CAMSAP2: variants seen among roughly 807,000 people sequenced by gnomAD.
The protein encoded by CAMSAP2 is calmodulin-regulated spectrin-associated protein 2.
Under a neutral mutation model 146.1 loss-of-function variants are expected in CAMSAP2, and 26 were observed. That is an observed-to-expected ratio of 0.18 (90% CI 0.13 to 0.25). The LOEUF (loss-of-function observed/expected upper bound fraction) is 0.25, where lower values mean the gene tolerates loss of function less well. Among genes scored for constraint, CAMSAP2 ranks in the 10% least tolerant of loss-of-function variants. CAMSAP2 has a pLI of 1.00. For missense variants in CAMSAP2, 1,381 were observed against 1,759.3 expected (o/e 0.78, Z 3.85); for synonymous variants, 499 against 596.6 (o/e 0.84, Z 2.38).
At chr1:200,802,967 C>T (rs1666074355) in intron 2 of CAMSAP2, among the ~76,000 whole-genome samples, 1 of 152,218 alleles carries the variant, frequency 6.6e-6, no homozygotes, top group Non-Finnish European at 1.5e-5. Context: ...TGGGATTCCA[C>T]ATTCCCCAAA....
intron 4 of CAMSAP2, among the ~76,000 whole-genome samples, chr1:200,816,620 A>G (rs1666498807): frequency 7.1e-6 from 1 of 141,542 alleles, no homozygotes. Flanking sequence ...ATATATATAT[A>G]TATATGTATA....
intron 2 of CAMSAP2, among the ~76,000 whole-genome samples, chr1:200,762,036 A>G (rs1664815265): frequency 6.6e-6 from 1 of 152,262 alleles, no homozygotes; most frequent in African/African-American, 2.4e-5. Flanking sequence ...TGGTTTTTCC[A>G]TACTCGATTA....
intron 4 of CAMSAP2, among the ~76,000 whole-genome samples, chr1:200,817,189 C>T (rs61827525): frequency 0.66 from 72,792 of 111,088 alleles, 20,494 homozygotes; most frequent in Middle Eastern, 0.74. Flanking sequence ...CACACACACA[C>T]ATGTGTGTGT....
At chr1:200,787,083 G>A (rs1256373942) in intron 2 of CAMSAP2, among the ~76,000 whole-genome samples, 23 of 152,026 alleles carry the variant, frequency 1.5e-4, no homozygotes, top group Admixed American at 1.5e-3. Context: ...TCACCCAAGA[G>A]CTGTGATGGA....
In CAMSAP2 at chr1:200,848,962, A is replaced by G. The variant is rs1435486102; in HGVS notation, c.2193A>G (p.Pro731=). Residue 731 remains proline, a synonymous_variant, in exon 11 of 17, where the codon CCA becomes CCG. Coordinates refer to ENST00000358823, the MANE Select transcript of CAMSAP2 (RefSeq NM_203459.4). ...IPHVVAWAQI[P]EETGLPQGRD... ...ATGTGGTTGCTTGGGCACAAATTCC[A>G]GAAGAAACAGGGCTTCCACAGGGAC... 4 of 1,614,096 alleles carry G rather than the reference A, an allele frequency of 2.5e-6. No homozygotes were observed.
At chr1:200,755,947 G>A (rs1220566849) in intron 1 of CAMSAP2, among the ~76,000 whole-genome samples, 1 of 152,164 alleles carries the variant, frequency 6.6e-6, no homozygotes, top group Non-Finnish European at 1.5e-5. Flanking sequence ...TCGGTTAAGG[G>A]GAGGAACATT....
At chr1:200,855,944 C>T (rs1027158641) in intron 14 of CAMSAP2, 66 bp from the exon 15 acceptor site, 14 of 1,040,636 alleles carry the variant, frequency 1.3e-5, no homozygotes, top group South Asian at 4.2e-5. Context: ...GTTACTTTCA[C>T]GTATACCCTC....
chr1:200,820,216 A>G (rs751015450), intron 4 of CAMSAP2, among the ~76,000 whole-genome samples: 73 of 152,090 alleles, frequency 4.8e-4, no homozygotes, highest in East Asian at 7.7e-4. Flanking sequence ...GTGCACCGCC[A>G]TGCCCACCTA....
intron 2 of CAMSAP2, among the ~76,000 whole-genome samples, chr1:200,775,615 T>C (rs990348329): frequency 2.6e-5 from 4 of 152,150 alleles, no homozygotes; most frequent in African/African-American, 9.7e-5. Flanking sequence ...CTGCAACCTC[T>C]GCCTTCCAGG....
At chr1:200,821,144 T>C (rs2102190976) in intron 4 of CAMSAP2, among the ~76,000 whole-genome samples, 1 of 152,112 alleles carries the variant, frequency 6.6e-6, no homozygotes, top group African/African-American at 2.4e-5. Flanking sequence ...GTTTTATAAT[T>C]ATAAATCTAT....
chr1:200,856,928 A>G (rs561754903), intron 15 of CAMSAP2, among the ~76,000 whole-genome samples: 20 of 152,346 alleles, frequency 1.3e-4, no homozygotes, highest in African/African-American at 4.6e-4. Flanking sequence ...TCAGTTGAAC[A>G]ATCTGAAAAA....
At chr1:200,834,459 C>T (rs1413112734) in intron 6 of CAMSAP2, among the ~76,000 whole-genome samples, 1 of 151,886 alleles carries the variant, frequency 6.6e-6, no homozygotes, top group African/African-American at 2.4e-5. Context: ...GTTATGAATA[C>T]TGTTATTTTT....
At chr1:200,795,930 C>T (rs1444604834) in intron 2 of CAMSAP2, among the ~76,000 whole-genome samples, 1 of 152,178 alleles carries the variant, frequency 6.6e-6, no homozygotes, top group Non-Finnish European at 1.5e-5. Flanking sequence ...TTTTGACTTG[C>T]TCTGCCTACT....
At chr1:200,780,496 G>C (rs894244751) in intron 2 of CAMSAP2, among the ~76,000 whole-genome samples, 1 of 151,814 alleles carries the variant, frequency 6.6e-6, no homozygotes, top group African/African-American at 2.4e-5. Flanking sequence ...CTTATTTCAA[G>C]TAAGTATAAG....
chr1:200,857,568 A>T lies in CAMSAP2; in HGVS notation c.4131+144A>T. On this transcript the variant is annotated intron_variant, in intron 16 of 16. Transcript: ENST00000358823. This position sits in a 1 kb window ranked among gnomAD's most constrained non-coding sequence, Gnocchi z 4.7. ...ATGTTTTAATTATCAGATTTAGTTT[A>T]TTTTCACATTAGGTTCTGGAAGCCT... The T allele has an allele frequency of 1.3e-6, 1 of 792,548 alleles. No individual in the cohort carries two copies. The highest frequency in any genetic ancestry group is 2.0e-6 in the Non-Finnish European group (1 of 503,428). The allele number at this position is 792,548 out of a possible 1,614,324, so 49.1% of individuals were successfully genotyped here.
intron 6 of CAMSAP2, among the ~76,000 whole-genome samples, chr1:200,834,345 A>C (rs575330036): frequency 6.6e-6 from 1 of 152,256 alleles, no homozygotes; most frequent in South Asian, 2.1e-4. Context: ...CCTGGGTGAC[A>C]GAATAAGACT....
In CAMSAP2 at chr1:200,849,067, C is replaced by T. The variant is rs767612913; in HGVS notation, c.2298C>T (p.Ala766=). ...AAGAAAAGAGGCGTGCTATAGAAGCCCAGAAAAAGAAAATGGAAGCTGCTT... is the reference window on the plus strand; with the variant it reads ...AAGAAAAGAGGCGTGCTATAGAAGCTCAGAAAAAGAAAATGGAAGCTGCTT... ...KLEEKRRAIE[A]QKKKMEAAFT... is the part of the protein sequence containing the mutation. The change falls in exon 11 of 17, where the codon GCC becomes GCT. Residue 766 remains alanine (A), a synonymous_variant. Coordinates refer to ENST00000358823, the MANE Select transcript of CAMSAP2 (RefSeq NM_203459.4). This position sits in a 1 kb window ranked among gnomAD's most constrained non-coding sequence, Gnocchi z 6.3. 7 of 1,613,694 alleles carry T rather than the reference C, an allele frequency of 4.3e-6. No individual in the cohort carries two copies. The South Asian group carries it at 7.7e-5, about 18-fold the overall frequency.
chr1:200,844,908 C>T (rs754970338), intron 8 of CAMSAP2, 39 bp downstream of exon 8: 2 of 1,072,196 alleles, frequency 1.9e-6, no homozygotes, highest in African/African-American at 1.6e-5. Context: ...CATTTCTATT[C>T]TATTTACTAA....
chr1:200,766,041 C>T (rs1221339762), intron 2 of CAMSAP2, among the ~76,000 whole-genome samples: 1 of 152,042 alleles, frequency 6.6e-6, no homozygotes, highest in South Asian at 2.1e-4. Context: ...GGAAGCATTG[C>T]AAACTGAACC....
Sources: allele counts gnomAD v4.1 joint callset (sites outside exome capture counted in the v4.1 genomes callset), GRCh38; gene constraint gnomAD v4.1.1; non-coding constraint Gnocchi (gnomAD v3.1); transcripts MANE v1.5; gene names NCBI Gene and HGNC (gene_info 2026-07-23, HGNC 2026-07-21).